Variants in RANBP2 observed in about 807,000 individuals in gnomAD.
RANBP2 encodes E3 SUMO-protein ligase RanBP2.
RANBP2 carries 57 observed loss-of-function variants against 303.6 expected under a neutral mutation model. That is an observed-to-expected ratio of 0.19 (90% confidence interval 0.15 to 0.23). The LOEUF (loss-of-function observed/expected upper bound fraction) is 0.23. Ranked by LOEUF, RANBP2 falls within the 10% of genes least tolerant of loss-of-function variation. The pLI is 1.00. For synonymous variants in RANBP2, 1,167 were observed against 1,301.5 expected (o/e 0.90, Z 2.23); for missense variants, 3,138 against 3,780.8 (o/e 0.83, Z 4.46).
At chr2:109,721,139 A>C in the RANBP2 span, among the ~76,000 whole-genome samples, 1 of 152,280 alleles carries the variant, frequency 6.6e-6, no homozygotes, top group Admixed American at 6.5e-5. Flanking sequence ...TCATTACTAC[A>C]AGTTCCTTCT....
chr2:109,223,017 T>G, the RANBP2 span, among the ~76,000 whole-genome samples: 1 of 152,248 alleles, frequency 6.6e-6, no homozygotes, highest in Admixed American at 6.5e-5. Context: ...AAGAGGGCAC[T>G]GTCCGCCCCT....
At chr2:108,787,196 T>TGA (rs1678998641), downstream of RANBP2, among the ~76,000 whole-genome samples, 2 of 152,318 alleles carry the variant, frequency 1.3e-5, no homozygotes, top group South Asian at 4.1e-4. Context: ...TGCAGTGATG[T>TGA]GAGTGGAGTT....
At chr2:109,306,886 T>G in the RANBP2 span, among the ~76,000 whole-genome samples, 1 of 152,204 alleles carries the variant, frequency 6.6e-6, no homozygotes, top group Non-Finnish European at 1.5e-5. Flanking sequence ...TCAACGGGTG[T>G]GCGGTGTACG....
At chr2:108,958,728 C>T in the RANBP2 span, among the ~76,000 whole-genome samples, 1 of 152,192 alleles carries the variant, frequency 6.6e-6, no homozygotes, top group Non-Finnish European at 1.5e-5. Flanking sequence ...GATATCTGGC[C>T]CAGGAGACCT....
the RANBP2 span, chr2:108,907,823 A>T: frequency 1.2e-6 from 2 of 1,611,262 alleles, no homozygotes; most frequent in Non-Finnish European, 1.7e-6. Flanking sequence ...AGGGAGCCAC[A>T]TCTCACAGCT....
At chr2:108,962,099 C>T in the RANBP2 span, among the ~76,000 whole-genome samples, 4 of 152,282 alleles carry the variant, frequency 2.6e-5, no homozygotes, top group Non-Finnish European at 5.9e-5. Context: ...CAAAGATGTC[C>T]AAGTGAGACT....
At chr2:109,474,030 T>A in the RANBP2 span, among the ~76,000 whole-genome samples, 1 of 152,174 alleles carries the variant, frequency 6.6e-6, no homozygotes, top group Non-Finnish European at 1.5e-5. Flanking sequence ...CTGGAGACTT[T>A]CTGTGCCTCT....
rs760879925 is a variant in RANBP2, at chr2:108,768,116, G to A, written c.7577G>A (p.Ser2526Asn). Reference protein sequence around the residue: ...FGSESVKSIFSSEKSKPFAFG... With the variant: ...FGSESVKSIFNSEKSKPFAFG... The stretch of plus-strand genomic sequence containing the variant: ...TCAGAGTCTGTTAAAAGCATTTTTA[G>A]TAGTGAAAAATCAAAACCATTTGCA... The change falls in exon 20 of 29, where the codon AGT becomes AAT. Residue 2526 changes from serine (S) to asparagine (N), a missense_variant. Physicochemically the swap from Ser to Asn is conservative, Grantham distance 46 (BLOSUM62 1). Coordinates refer to ENST00000283195, the MANE Select transcript of RANBP2 (RefSeq NM_006267.5). The A allele has an allele frequency of 1.2e-5, 19 of 1,612,046 alleles. No individual in the cohort carries two copies. Among genetic ancestry groups the A allele is most frequent in the Middle Eastern group, 4.5e-4 (2 of 4,430 alleles).
the RANBP2 span, among the ~76,000 whole-genome samples, chr2:108,806,368 T>C: frequency 6.6e-6 from 1 of 152,152 alleles, no homozygotes; most frequent in Non-Finnish European, 1.5e-5. Context: ...GTTGCATGAG[T>C]GTGTGGTAAT....
intron 7 of RANBP2, among the ~76,000 whole-genome samples, chr2:108,745,673 A>G (rs2693116): frequency 1.3e-5 from 2 of 150,086 alleles, no homozygotes; most frequent in African/African-American, 5.0e-5. Context: ...GTGCTATCCC[A>G]TATTATCCAT....
chr2:109,709,577 G>T, the RANBP2 span, among the ~76,000 whole-genome samples: 1 of 152,112 alleles, frequency 6.6e-6, no homozygotes, highest in Admixed American at 6.5e-5. Context: ...TCTAGAGGTG[G>T]AAATCATCAC....
chr2:108,910,890 C>T, the RANBP2 span: 2 of 1,614,026 alleles, frequency 1.2e-6, no homozygotes, highest in Non-Finnish European at 1.7e-6. Flanking sequence ...GGCTCTCCGA[C>T]AGGGGGAGTT....
At chr2:109,648,492 T>C in the RANBP2 span, among the ~76,000 whole-genome samples, 1 of 152,000 alleles carries the variant, frequency 6.6e-6, no homozygotes, top group African/African-American at 2.4e-5. Flanking sequence ...TACAGGCATA[T>C]GTCATGATGC....
In RANBP2 at chr2:108,763,217, T is replaced by G. The variant is rs1401245646; in HGVS notation, c.2698-20T>G. ...GTTTTGTAGACAATCTACAAAATGTTTTAACTTTCTGTCTTTTAGGGCCCA... is the reference window on the plus strand; with the variant it reads ...GTTTTGTAGACAATCTACAAAATGTGTTAACTTTCTGTCTTTTAGGGCCCA... On this transcript the variant is annotated intron_variant, in intron 19 of 28. Transcript: ENST00000283195. 6.2e-7 allele frequency: 1 copy of G among 1,612,528 alleles called. No individual in the cohort carries two copies. The highest frequency in any genetic ancestry group is 1.1e-5 in the South Asian group (1 of 91,054).
chr2:109,064,681 A>G, the RANBP2 span, among the ~76,000 whole-genome samples: 1 of 152,200 alleles, frequency 6.6e-6, no homozygotes, highest in Non-Finnish European at 1.5e-5. Context: ...ACATGGAGCC[A>G]AATGAAACTA....
At chr2:109,326,363 T>C in the RANBP2 span, among the ~76,000 whole-genome samples, 870 of 152,316 alleles carry the variant, frequency 5.7e-3, 9 homozygotes, top group African/African-American at 0.02. Flanking sequence ...GTTGTTCTTT[T>C]TTTTTAATGT....
chr2:108,754,732 C>T (rs1228689467), intron 15 of RANBP2, among the ~76,000 whole-genome samples, 173 bp from the exon 16 acceptor site: 1 of 150,830 alleles, frequency 6.6e-6, no homozygotes, highest in Non-Finnish European at 1.5e-5. Context: ...TAATACAAAA[C>T]AACAGAAAAA....
At chr2:108,927,808 C>A in the RANBP2 span, among the ~76,000 whole-genome samples, 1 of 152,188 alleles carries the variant, frequency 6.6e-6, no homozygotes, top group African/African-American at 2.4e-5. Context: ...CTCCACCTCC[C>A]CACCAAGCAC....
chr2:109,403,583 C>G, the RANBP2 span, among the ~76,000 whole-genome samples: 3 of 152,334 alleles, frequency 2.0e-5, no homozygotes, highest in South Asian at 2.1e-4. Flanking sequence ...AAAGGAGACA[C>G]GCAGGAGAAT....
Sources: allele counts gnomAD v4.1 joint callset (sites outside exome capture counted in the v4.1 genomes callset), GRCh38; gene constraint gnomAD v4.1.1; transcripts MANE v1.5; gene names NCBI Gene and HGNC (gene_info 2026-07-23, HGNC 2026-07-21).